The following OR11H4 variants were observed in gnomAD, a reference collection of about 807,000 sequenced individuals.
OR11H4 encodes olfactory receptor 11H4.
For synonymous variants in OR11H4, 162 were observed against 142.3 expected (o/e 1.14, Z -0.98); for missense variants, 460 against 371.1 (o/e 1.24, Z -1.97).
At chr14:20,241,904 T>A (rs1415899489) in intron 1 of OR11H4, among the ~76,000 whole-genome samples, 1 of 152,106 alleles carries the variant, frequency 6.6e-6, no homozygotes, top group Non-Finnish European at 1.5e-5. Context: ...TATAGTTCTC[T>A]CCACCCAAGT....
At chr14:20,241,936 A>T (rs35055545) in intron 1 of OR11H4, among the ~76,000 whole-genome samples, 42,316 of 151,914 alleles carry the variant, frequency 0.28, 6,101 homozygotes, top group African/African-American at 0.31. Flanking sequence ...GTAAAGAATA[A>T]CAAGGCAGCA....
In OR11H4 at chr14:20,242,874, C is replaced by A. The variant is rs1880966313; in HGVS notation, c.53C>A (p.Pro18His). The A allele has an allele frequency of 3.1e-6, 5 of 1,614,168 alleles. No individual in the cohort carries two copies. Among genetic ancestry groups the A allele is most frequent in the Non-Finnish European group, 4.2e-6 (5 of 1,180,020 alleles). ...ACAGAGTTTATTCTCCTGGGATTCC[C>A]TGGTTGCTGGAAGATTCAGATTTTC... is the stretch of plus-strand genomic sequence containing the variant. ...IVTEFILLGF[P>H]GCWKIQIFLF... Residue 18 changes from proline (P) to histidine (H), a missense_variant, in exon 2 of 2, where the codon CCT becomes CAT. Transcript: ENST00000641082.
chr14:20,243,286 A>T lies in OR11H4; in HGVS notation c.465A>T (p.Gly155=). The change falls in exon 2 of 2, where the codon GGA becomes GGT. Residue 155 remains glycine, a synonymous_variant. Coordinates refer to ENST00000641082, the MANE Select transcript of OR11H4 (RefSeq NM_001004479.2). ...VSFCWLIGFL[G]YPIPIFYISQ... is the part of the protein sequence containing the mutation. ...TCTGTTGGCTTATTGGATTCCTTGG[A>T]TACCCAATTCCCATTTTCTACATCT... 1.2e-6 allele frequency: 2 copies of T among 1,613,968 alleles called. No individual in the cohort carries two copies. Among genetic ancestry groups the T allele is most frequent in the South Asian group, 2.2e-5 (2 of 91,074 alleles).
Position 20,243,015 on chromosome 14 carries a change from A to C in OR11H4, c.194A>C (p.Asn65Thr). 6.2e-7 allele frequency: 1 copy of C among 1,614,004 alleles called. No individual in the cohort carries two copies. Among genetic ancestry groups the C allele is most frequent in the Admixed American group, 1.7e-5 (1 of 59,992 alleles). The change falls in exon 2 of 2, where the codon AAT becomes ACT. Residue 65 changes from asparagine to threonine, a missense_variant. Transcript: ENST00000641082. ...LHTPMYFLLG[N>T]FAFLEIWYVS... ...ACCCCCATGTACTTTCTGCTGGGAA[A>C]TTTTGCCTTCCTTGAGATCTGGTAT...
rs562216642 is a variant in OR11H4, at chr14:20,240,247, C to T, written c.-12+916C>T. ...GGATGTATTTATGCTTCGTAAACAA[C>T]AATCTGGAAATCACCTATTGAGCAC... On this transcript the variant is annotated intron_variant, in intron 1 of 1. Coordinates refer to ENST00000641082, the MANE Select transcript of OR11H4 (RefSeq NM_001004479.2). Among the ~76,000 whole-genome samples the T allele has an allele frequency of 9.2e-5, 14 of 152,246 alleles. No individual in the cohort carries two copies. The East Asian group carries it at 2.3e-3, about 25-fold the overall frequency.
Position 20,242,947 on chromosome 14 carries a change from T to C in OR11H4, c.126T>C (p.Asn42=). ...LVIYVLTLLG[N]GAIIYAVRCN... is the part of the protein sequence containing the mutation. The stretch of plus-strand genomic sequence containing the variant: ...TTTATGTCTTGACCTTGCTGGGAAA[T>C]GGAGCCATCATCTATGCAGTGAGAT... Residue 42 remains asparagine (N), a synonymous_variant, in exon 2 of 2, where the codon AAT becomes AAC. Transcript: ENST00000641082. 1 of 1,614,166 alleles carries C rather than the reference T, an allele frequency of 6.2e-7. No individual in the cohort carries two copies. Among genetic ancestry groups the C allele is most frequent in the Non-Finnish European group, 8.5e-7 (1 of 1,180,026 alleles).
intron 1 of OR11H4, among the ~76,000 whole-genome samples, chr14:20,241,596 G>T (rs149356843): frequency 0.01 from 1,550 of 152,218 alleles, 33 homozygotes; most frequent in African/African-American, 0.035. Flanking sequence ...GGGTATTTCT[G>T]GTCTGGTAGG....
intron 1 of OR11H4, among the ~76,000 whole-genome samples, 183 bp downstream of exon 1, chr14:20,239,514 G>A (rs536089244): frequency 5.3e-4 from 81 of 152,112 alleles, no homozygotes; most frequent in African/African-American, 1.9e-3. Context: ...CTAACACGGC[G>A]AAACCCCGTC....
intron 1 of OR11H4, among the ~76,000 whole-genome samples, chr14:20,241,299 ATAT>A (rs1880912346): frequency 6.6e-6 from 1 of 152,182 alleles, no homozygotes; most frequent in Admixed American, 6.5e-5. Flanking sequence ...TGTTTTTAAA[ATAT>A]TATCATGGAG....
At chr14:20,239,706 A>T (rs1594241765) in intron 1 of OR11H4, among the ~76,000 whole-genome samples, 1 of 152,024 alleles carries the variant, frequency 6.6e-6, no homozygotes, top group South Asian at 2.1e-4. Flanking sequence ...AAAAAAAAGA[A>T]AAAGAAAAAG....
chr14:20,241,992 C>T (rs1019711551), intron 1 of OR11H4, among the ~76,000 whole-genome samples: 8 of 152,042 alleles, frequency 5.3e-5, no homozygotes, highest in African/African-American at 1.2e-4. Flanking sequence ...GGTTTTTCTC[C>T]TATCTCAGAA....
intron 1 of OR11H4, among the ~76,000 whole-genome samples, chr14:20,242,562 T>C (rs191937743): frequency 6.6e-6 from 1 of 152,190 alleles, no homozygotes; most frequent in East Asian, 1.9e-4. Context: ...GACAGTCTGA[T>C]CTCTCTTTTC....
rs771312068 is a variant in OR11H4, at chr14:20,243,017, T to C, written c.196T>C (p.Phe66Leu). Residue 66 changes from phenylalanine (F) to leucine (L), a missense_variant, in exon 2 of 2, where the codon TTT (phenylalanine) becomes CTT (leucine). By Grantham distance (22) the Phe-to-Leu change is conservative (BLOSUM62 0). Coordinates refer to ENST00000641082, the MANE Select transcript of OR11H4 (RefSeq NM_001004479.2). Reference protein sequence around the residue: ...HTPMYFLLGNFAFLEIWYVSS... With the variant: ...HTPMYFLLGNLAFLEIWYVSS... ...CCCCATGTACTTTCTGCTGGGAAAT[T>C]TTGCCTTCCTTGAGATCTGGTATGT... The C allele has an allele frequency of 9.5e-5, 153 of 1,614,020 alleles. No individual in the cohort carries two copies. Among genetic ancestry groups the C allele is most frequent in the Non-Finnish European group, 1.3e-4 (151 of 1,180,044 alleles).
At chr14:20,242,134 T>A (rs147804456) in intron 1 of OR11H4, among the ~76,000 whole-genome samples, 3,269 of 151,556 alleles carry the variant, frequency 0.022, 53 homozygotes, top group African/African-American at 0.044. Flanking sequence ...CACAGACCCT[T>A]TACGGGTGTC....
intron 1 of OR11H4, among the ~76,000 whole-genome samples, chr14:20,242,046 C>A (rs1349943363): frequency 2.6e-5 from 4 of 151,898 alleles, no homozygotes; most frequent in African/African-American, 4.8e-5. Context: ...ACATTCAGTT[C>A]CCAGGGGCAA....
intron 1 of OR11H4, among the ~76,000 whole-genome samples, chr14:20,239,641 C>T (rs1402932391): frequency 6.6e-6 from 1 of 151,800 alleles, no homozygotes; most frequent in Admixed American, 6.6e-5. Context: ...TTGCAGTGAG[C>T]CGAGATCGCG....
At position 20,243,832 on chromosome 14, in the gene OR11H4, G is replaced by T. The variant is rs1881000345; in HGVS notation, c.*66G>T. On this transcript the variant is annotated 3_prime_UTR_variant, in exon 2 of 2. Transcript: ENST00000641082. ...AGGTCGAGATGTTGTCAGTTCTTTA[G>T]CAGTCTTTCAGTCCTCAGTCTGAGT... The T allele has an allele frequency of 6.7e-7, 1 of 1,484,634 alleles. No homozygotes were observed. The allele number at this position is 1,484,634 out of a possible 1,614,324, so 92.0% of individuals were successfully genotyped here. A position where few individuals can be genotyped will look rare whatever the true frequency, so the allele number is the denominator to read the frequency against.
chr14:20,241,787 G>A (rs1004588063), intron 1 of OR11H4, among the ~76,000 whole-genome samples: 21 of 152,182 alleles, frequency 1.4e-4, no homozygotes, highest in Non-Finnish European at 2.5e-4. Context: ...AGGAGAGCAC[G>A]GTGATAATAA....
Position 20,243,670 on chromosome 14 carries a change from T to G in OR11H4, c.849T>G (p.Pro283=), listed in dbSNP as rs200249592. Residue 283 remains proline, a synonymous_variant, in exon 2 of 2, where the codon CCT becomes CCG. Transcript: ENST00000641082. ...ILTLVYSVTT[P]LFNPLIYTLR... is the part of the protein sequence containing the mutation. ...CACTGGTATATTCAGTAACGACTCC[T>G]CTTTTTAATCCTCTGATCTATACTC... 2.1e-5 allele frequency: 34 copies of G among 1,614,074 alleles called. No homozygotes were observed. The highest frequency in any genetic ancestry group is 1.0e-4 in the Admixed American group (6 of 60,022).
Sources: allele counts gnomAD v4.1 joint callset (sites outside exome capture counted in the v4.1 genomes callset), GRCh38; gene constraint gnomAD v4.1.1; transcripts MANE v1.5; gene names NCBI Gene and HGNC (gene_info 2026-07-23, HGNC 2026-07-21).